The following PDE3A variants were observed in gnomAD, a reference collection of about 807,000 sequenced individuals.
PDE3A encodes phosphodiesterase 3A, also known as cGMP-inhibited 3',5'-cyclic phosphodiesterase 3A.
PDE3A carries 43 observed loss-of-function variants against 98.3 expected under a neutral mutation model. The ratio of observed to expected loss-of-function variants is 0.44; its 90% CI spans 0.34 to 0.56. PDE3A has a LOEUF of 0.56. Ranked by LOEUF, PDE3A falls within the 20% of genes least tolerant of loss-of-function variation. The pLI, the probability that PDE3A is intolerant of heterozygous loss-of-function variation, is 0.01. For synonymous variants in PDE3A, 663 were observed against 567.9 expected (o/e 1.17, Z -2.38); for missense variants, 1,427 against 1,440.7 (o/e 0.99, Z 0.15).
At chr12:20,542,646 G>A (rs1032459253) in intron 1 of PDE3A, among the ~76,000 whole-genome samples, 7 of 152,050 alleles carry the variant, frequency 4.6e-5, no homozygotes, top group Middle Eastern at 3.4e-3. Flanking sequence ...AATAAAAACC[G>A]TTAAACCTAT....
intron 7 of PDE3A, among the ~76,000 whole-genome samples, 173 bp from the exon 8 acceptor site, chr12:20,634,729 G>C (rs562226614): frequency 6.6e-6 from 1 of 152,268 alleles, no homozygotes; most frequent in South Asian, 2.1e-4. Flanking sequence ...GTTTTACTTT[G>C]TTAAGAGATG....
rs1381021700 is a variant in PDE3A at position 20,506,759 on chromosome 12, AAG to A, written c.961-49893_961-49892del. ...GAAACTTCTAAGGAAAGTATTTGGT[AAG>A]AGAGAGAATTCTATTTGTTTTTGAA... On this transcript the variant is annotated intron_variant, in intron 1 of 15. Coordinates refer to ENST00000359062, the MANE Select transcript of PDE3A (RefSeq NM_000921.5). 7.2e-5 allele frequency among the ~76,000 whole-genome samples: 11 copies of A among 152,144 alleles called. No individual in the cohort carries two copies. In the South Asian group the frequency reaches 2.3e-3, roughly 32 times the overall value.
intron 1 of PDE3A, among the ~76,000 whole-genome samples, chr12:20,387,109 T>C (rs1325703612): frequency 4.6e-5 from 7 of 152,018 alleles, no homozygotes; most frequent in South Asian, 2.1e-4. Flanking sequence ...TTCTGAGTTC[T>C]GTATTGGTTC....
chr12:20,432,523 G>A (rs1335535851), intron 1 of PDE3A, among the ~76,000 whole-genome samples: 5 of 152,230 alleles, frequency 3.3e-5, no homozygotes, highest in Admixed American at 2.6e-4. Context: ...AGATTGTGGT[G>A]ATGGTTTCAC....
chr12:20,416,316 T>C (rs1401038588), intron 1 of PDE3A, among the ~76,000 whole-genome samples: 3 of 152,198 alleles, frequency 2.0e-5, no homozygotes, highest in African/African-American at 7.2e-5. Flanking sequence ...ACAGACAAAC[T>C]ACCGTTAGGT....
chr12:20,519,941 T>C (rs989879361), intron 1 of PDE3A, among the ~76,000 whole-genome samples: 1 of 152,158 alleles, frequency 6.6e-6, no homozygotes, highest in Non-Finnish European at 1.5e-5. Context: ...GTTTTCTCCA[T>C]ACTCCTCCAA....
rs117128691 is a variant in PDE3A, at chr12:20,471,376, C to A, written c.961-85284C>A. Among the ~76,000 whole-genome samples, 887 of 152,244 alleles carry A rather than the reference C, an allele frequency of 5.8e-3. 3 individuals carry two copies. The highest frequency in any genetic ancestry group is 9.7e-3 in the Non-Finnish European group (662 of 67,996). On this transcript the variant is annotated intron_variant, in intron 1 of 15. Transcript: ENST00000359062. ...ATTAAATCCGGGGTAAGGTCAGGTA[C>A]TGGTGTTTTTTAAAGAGCTCCCCAG... is the stretch of plus-strand genomic sequence containing the variant.
intron 15 of PDE3A, among the ~76,000 whole-genome samples, chr12:20,654,894 AG>A (rs1471987189): frequency 6.6e-6 from 1 of 152,078 alleles, no homozygotes; most frequent in East Asian, 1.9e-4. Flanking sequence ...TGGCTTGGTT[AG>A]GGGAACTCCA....
chr12:20,472,272 C>T (rs1269128475), intron 1 of PDE3A, among the ~76,000 whole-genome samples: 1 of 152,128 alleles, frequency 6.6e-6, no homozygotes, highest in Non-Finnish European at 1.5e-5. Flanking sequence ...TAAACTCTAG[C>T]CAACTACTTG....
intron 2 of PDE3A, among the ~76,000 whole-genome samples, chr12:20,611,890 A>G (rs1943864063): frequency 6.7e-6 from 1 of 148,952 alleles, no homozygotes; most frequent in Admixed American, 6.9e-5. Context: ...TACAGATATA[A>G]TGAAATTTAA....
chr12:20,575,451 A>C (rs10770672), intron 2 of PDE3A, among the ~76,000 whole-genome samples: 110,270 of 151,776 alleles, frequency 0.73, 40,339 homozygotes, highest in Admixed American at 0.82. Flanking sequence ...TTACAGAAAA[A>C]TAAATTTTAA....
chr12:20,582,272 C>A (rs1052218907), intron 2 of PDE3A, among the ~76,000 whole-genome samples: 1 of 152,174 alleles, frequency 6.6e-6, no homozygotes, highest in African/African-American at 2.4e-5. Context: ...TGGCTCACTG[C>A]AACCTCTGCC....
intron 1 of PDE3A, among the ~76,000 whole-genome samples, chr12:20,430,393 A>T (rs1399729040): frequency 6.6e-6 from 1 of 152,168 alleles, no homozygotes; most frequent in Non-Finnish European, 1.5e-5. Flanking sequence ...TAATCAAGGA[A>T]GTTTCTGCTG....
chr12:20,598,910 T>A (rs990284599), intron 2 of PDE3A, among the ~76,000 whole-genome samples: 4 of 152,334 alleles, frequency 2.6e-5, no homozygotes, highest in Admixed American at 2.6e-4. Flanking sequence ...CTTGGTCAAA[T>A]CAGCCTTCTT....
At chr12:20,510,159 T>A (rs1280201846) in intron 1 of PDE3A, among the ~76,000 whole-genome samples, 2 of 152,074 alleles carry the variant, frequency 1.3e-5, no homozygotes, top group Non-Finnish European at 2.9e-5. Context: ...TCTAAATTTT[T>A]TCATTTAGCT....
At chr12:20,644,076 T>G (rs1261390481) in intron 10 of PDE3A, among the ~76,000 whole-genome samples, 10 of 150,902 alleles carry the variant, frequency 6.6e-5, no homozygotes, top group African/African-American at 2.4e-4. Context: ...ACTACTGGCA[T>G]ATAGTAATCT....
chr12:20,439,615 C>T (rs1474444960), intron 1 of PDE3A, among the ~76,000 whole-genome samples: 6 of 152,110 alleles, frequency 3.9e-5, no homozygotes, highest in Non-Finnish European at 5.9e-5. Flanking sequence ...GTTCATGCTG[C>T]GAGCAAAATG....
At chr12:20,432,587 G>A (rs534607006) in intron 1 of PDE3A, among the ~76,000 whole-genome samples, 2 of 152,106 alleles carry the variant, frequency 1.3e-5, no homozygotes, top group Admixed American at 1.3e-4. Flanking sequence ...TTTAATATGT[G>A]TAGCTTTTTG....
intron 2 of PDE3A, among the ~76,000 whole-genome samples, chr12:20,591,304 C>T (rs751143101): frequency 2.0e-5 from 3 of 152,226 alleles, no homozygotes; most frequent in Non-Finnish European, 2.9e-5. Flanking sequence ...AGCCAATGTA[C>T]ATACTTAACT....
Sources: allele counts gnomAD v4.1 joint callset (sites outside exome capture counted in the v4.1 genomes callset), GRCh38; gene constraint gnomAD v4.1.1; transcripts MANE v1.5; gene names NCBI Gene and HGNC (gene_info 2026-07-23, HGNC 2026-07-21).